SEMA3A: variants seen among roughly 807,000 people sequenced by gnomAD.
SEMA3A encodes the protein semaphorin-3A.
A neutral mutation model predicts 97.9 loss-of-function variants in SEMA3A; 29 were observed. The observed-to-expected ratio is 0.30, with a 90% confidence interval of 0.22 to 0.40. SEMA3A has a LOEUF of 0.40. Among genes scored for constraint, SEMA3A ranks in the 10% least tolerant of loss-of-function variants. The pLI, the probability that SEMA3A is intolerant of heterozygous loss-of-function variation, is 1.00. For missense variants in SEMA3A, 763 were observed against 951.3 expected (o/e 0.80, Z 2.60); for synonymous variants, 321 against 323.7 (o/e 0.99, Z 0.09).
intron 1 of SEMA3A, among the ~76,000 whole-genome samples, chr7:84,392,010 ATAAAG>A (rs1381219412): frequency 6.7e-6 from 1 of 149,816 alleles, no homozygotes; most frequent in Non-Finnish European, 1.5e-5. Flanking sequence ...TTTATCGAGT[ATAAAG>A]TAATCTTATA....
At chr7:84,397,135 G>A (rs894451657) in intron 1 of SEMA3A, among the ~76,000 whole-genome samples, 5 of 151,712 alleles carry the variant, frequency 3.3e-5, no homozygotes, top group East Asian at 3.9e-4. Context: ...TTGAAAATTC[G>A]GAATTTCAAA....
At chr7:84,319,781 T>C (rs1220680665) in intron 2 of SEMA3A, among the ~76,000 whole-genome samples, 1 of 152,162 alleles carries the variant, frequency 6.6e-6, no homozygotes, top group Non-Finnish European at 1.5e-5. Flanking sequence ...TAACAGGTCT[T>C]TCACTAGATC....
At chr7:84,414,573 G>C (rs1228953) in intron 1 of SEMA3A, among the ~76,000 whole-genome samples, 1 of 151,880 alleles carries the variant, frequency 6.6e-6, no homozygotes, top group African/African-American at 2.4e-5. Context: ...TGTGATTCTA[G>C]TATAATAGGA....
chr7:84,471,660 G>C (rs1806153851), intron 1 of SEMA3A, among the ~76,000 whole-genome samples: 1 of 152,080 alleles, frequency 6.6e-6, no homozygotes, highest in Non-Finnish European at 1.5e-5. Flanking sequence ...CCTCATGAGA[G>C]AAAGAGAGAA....
chr7:84,154,982 G>A (rs1457127680), intron 1 of SEMA3A, among the ~76,000 whole-genome samples: 1 of 152,052 alleles, frequency 6.6e-6, no homozygotes, highest in African/African-American at 2.4e-5. Flanking sequence ...TGCTGAAGCA[G>A]CATGTCTAAA....
rs192043800 is a variant in SEMA3A at position 84,082,348 on chromosome 7, G to T, written c.454-21790C>A. ...GGCAAGAATGAGCAGCAGGAAGTGG[G>T]AAGTGGAAAGTCGAAAGAACTTAAT... On this transcript the variant is annotated intron_variant, in intron 4 of 16. Coordinates refer to ENST00000265362, the MANE Select transcript of SEMA3A (RefSeq NM_006080.3). Among the ~76,000 whole-genome samples the T allele has an allele frequency of 2.2e-3, 342 of 152,276 alleles. 1 individual carries two copies. Among genetic ancestry groups the T allele is most frequent in the South Asian group, 4.4e-3 (21 of 4,822 alleles).
chr7:83,979,175 C>T (rs1353818462), intron 14 of SEMA3A, among the ~76,000 whole-genome samples: 1 of 150,898 alleles, frequency 6.6e-6, no homozygotes, highest in Admixed American at 6.6e-5. Flanking sequence ...GCTTTGTCAC[C>T]CAGGCTGGAG....
chr7:83,995,946 C>T (rs1233524207), intron 12 of SEMA3A, among the ~76,000 whole-genome samples: 1 of 152,164 alleles, frequency 6.6e-6, no homozygotes, highest in Non-Finnish European at 1.5e-5. Flanking sequence ...TAAACTCTTT[C>T]ATTTGTCTGC....
chr7:84,047,980 A>G (rs944424602), intron 5 of SEMA3A, among the ~76,000 whole-genome samples: 4 of 152,036 alleles, frequency 2.6e-5, no homozygotes, highest in African/African-American at 9.7e-5. Flanking sequence ...AGCGACACAG[A>G]GAAAATCACT....
At chr7:84,470,677 A>G (rs889768500) in intron 1 of SEMA3A, among the ~76,000 whole-genome samples, 1 of 152,058 alleles carries the variant, frequency 6.6e-6, no homozygotes, top group Non-Finnish European at 1.5e-5. Context: ...GTTTATACAC[A>G]CAAATCCCAG....
chr7:84,336,293 A>C, intron 2 of SEMA3A, among the ~76,000 whole-genome samples: 1 of 152,158 alleles, frequency 6.6e-6, no homozygotes, highest in East Asian at 1.9e-4. Context: ...TCCTTTTCTA[A>C]ACAGAAGAAC....
chr7:84,095,221 A>G (rs1794721890), intron 4 of SEMA3A, among the ~76,000 whole-genome samples: 2 of 145,128 alleles, frequency 1.4e-5, no homozygotes, highest in African/African-American at 5.0e-5. Context: ...ATGCAATTAT[A>G]TATTACATTA....
intron 2 of SEMA3A, among the ~76,000 whole-genome samples, chr7:84,332,652 A>C (rs1259699138): frequency 1.4e-5 from 2 of 145,704 alleles, no homozygotes; most frequent in African/African-American, 2.6e-5. Context: ...GGCACTGATA[A>C]ATTGAAATAT....
At chr7:84,491,652 A>T (rs1248927924) in intron 1 of SEMA3A, among the ~76,000 whole-genome samples, 1 of 152,162 alleles carries the variant, frequency 6.6e-6, no homozygotes, top group African/African-American at 2.4e-5. Context: ...CCAAGTAAAA[A>T]TCAGAGTAGG....
At chr7:84,309,925 T>G (rs1801271744) in intron 2 of SEMA3A, among the ~76,000 whole-genome samples, 1 of 152,130 alleles carries the variant, frequency 6.6e-6, no homozygotes, top group Non-Finnish European at 1.5e-5. Context: ...TAAAATAAAA[T>G]ATGCTTATAA....
intron 3 of SEMA3A, among the ~76,000 whole-genome samples, chr7:84,122,739 G>A (rs1795665808): frequency 6.6e-6 from 1 of 152,170 alleles, no homozygotes; most frequent in South Asian, 2.1e-4. Flanking sequence ...AACTTTAGAT[G>A]CATGTGCAGC....
intron 3 of SEMA3A, among the ~76,000 whole-genome samples, chr7:84,297,909 A>T (rs1800908649): frequency 6.6e-6 from 1 of 152,190 alleles, no homozygotes; most frequent in Non-Finnish European, 1.5e-5. Context: ...TGGTAATAGG[A>T]GGACAGAAAT....
intron 2 of SEMA3A, among the ~76,000 whole-genome samples, chr7:84,309,112 C>A (rs1284173483): frequency 6.6e-6 from 1 of 152,126 alleles, no homozygotes; most frequent in Admixed American, 6.5e-5. Context: ...GCTACCACGC[C>A]CGGCCAAAAT....
intron 4 of SEMA3A, among the ~76,000 whole-genome samples, chr7:84,101,005 T>G (rs1014880627): frequency 2.0e-5 from 3 of 152,216 alleles, no homozygotes; most frequent in Non-Finnish European, 4.4e-5. Flanking sequence ...TCTCTCATCC[T>G]GTAGGAGAAT....
Sources: gnomAD v4.1 joint callset for allele counts (sites outside exome capture counted in the v4.1 genomes callset) on GRCh38, gnomAD v4.1.1 for gene constraint, MANE v1.5 for transcripts, NCBI Gene and HGNC (gene_info 2026-07-23, HGNC 2026-07-21) for gene names.